The following EFCAB13 variants were observed in gnomAD, a reference collection of about 807,000 sequenced individuals.
The protein encoded by EFCAB13 is EF-hand calcium binding domain 13, also known as EF-hand calcium-binding domain-containing protein 13.
In EFCAB13, 91 loss-of-function variants were observed where a neutral mutation model predicts 110.2. The observed-to-expected ratio is 0.83, with a 90% CI of 0.70 to 0.98. The LOEUF (loss-of-function observed/expected upper bound fraction) is 0.98, where lower values mean the gene tolerates loss of function less well. Ranked by LOEUF, EFCAB13 falls within the 50% of genes least tolerant of loss-of-function variation. The pLI is 0.00. For synonymous variants in EFCAB13, 323 were observed against 369.9 expected, an observed-to-expected ratio of 0.87 and a Z score of 1.45; for missense variants, 968 against 1,119.4, an observed-to-expected ratio of 0.86 and a Z score of 1.93.
chr17:47,343,244 G>A (rs1044586270), intron 6 of EFCAB13, among the ~76,000 whole-genome samples: 9 of 152,028 alleles, frequency 5.9e-5, no homozygotes, highest in Non-Finnish European at 1.3e-4. Context: ...TCTTTGCCAT[G>A]CACTTCAGAA....
chr17:47,368,018 C>T (rs1185887081), intron 10 of EFCAB13, among the ~76,000 whole-genome samples: 2 of 152,080 alleles, frequency 1.3e-5, no homozygotes, highest in Non-Finnish European at 2.9e-5. Flanking sequence ...AGAGCATATC[C>T]TGAAGCTACA....
At chr17:47,328,100 G>A in intron 3 of EFCAB13, 169 bp from the exon 4 acceptor site, 2 of 496,084 alleles carry the variant, frequency 4.0e-6, no homozygotes, top group South Asian at 8.4e-5. Context: ...GTGATTTATA[G>A]TCTACTAACT....
At chr17:47,374,046 G>A (rs1161538826) in intron 11 of EFCAB13, among the ~76,000 whole-genome samples, 1 of 152,020 alleles carries the variant, frequency 6.6e-6, no homozygotes, top group Non-Finnish European at 1.5e-5. Flanking sequence ...CAAATACCAA[G>A]AATATTTAGG....
chr17:47,329,829 T>TAA (rs946645246), intron 4 of EFCAB13: 7 of 152,198 alleles, frequency 4.6e-5, no homozygotes, highest in African/African-American at 1.7e-4. Flanking sequence ...TCAATCTCTT[T>TAA]AGGAATCCTT....
In EFCAB13 at chr17:47,355,985, A is replaced by G. The variant is rs186481205; in HGVS notation, c.662-5393A>G. ...TTTTTTCTTCTACTTATTTGATTCTATTACTGAGACTTTCCAGCACATTTT... is the reference window on the plus strand; with the variant it reads ...TTTTTTCTTCTACTTATTTGATTCTGTTACTGAGACTTTCCAGCACATTTT... On this transcript the variant is annotated intron_variant, in intron 9 of 24. Coordinates refer to ENST00000331493, the MANE Select transcript of EFCAB13 (RefSeq NM_152347.5). Among the ~76,000 whole-genome samples, 163 of 152,018 alleles carry G rather than the reference A, an allele frequency of 1.1e-3. 1 individual carries two copies. Among genetic ancestry groups the G allele is most frequent in the Non-Finnish European group, 3.2e-4 (22 of 67,952 alleles).
rs527408437 is a variant in EFCAB13, at chr17:47,344,932, G to A, written c.435-84G>A. ...TCAAGAAAGGTTCTTATGAATCTCA[G>A]ACTATTGGTAAGTTTGCTAATATTT... On this transcript the variant is annotated intron_variant, in intron 7 of 24. Coordinates refer to ENST00000331493, the MANE Select transcript of EFCAB13 (RefSeq NM_152347.5). 32 of 996,882 alleles carry A rather than the reference G, an allele frequency of 3.2e-5. 1 individual carries two copies. In the South Asian group the frequency reaches 3.4e-4, roughly 10 times the overall value. 61.8% of individuals were successfully genotyped at this position (996,882 alleles called of 1,614,324 possible).
chr17:47,415,965 A>AT lies in EFCAB13; in HGVS notation c.2494+1046_2494+1047insT, dbSNP rs141422144. On this transcript the variant is annotated intron_variant, in intron 23 of 24. Transcript: ENST00000331493. ...CCTGACTCCCACATCTGCAGAGAAC[A>AT]CCTACCAAAGAACTCTTCATGGATG... 2.6e-3 allele frequency among the ~76,000 whole-genome samples: 401 copies of AT among 152,136 alleles called. 2 individuals carry two copies. Among genetic ancestry groups the AT allele is most frequent in the South Asian group, 6.9e-3 (33 of 4,812 alleles).
intron 9 of EFCAB13, 34 bp from the exon 10 acceptor site, chr17:47,361,344 T>G (rs2065511454): frequency 1.9e-6 from 3 of 1,601,914 alleles, no homozygotes; most frequent in Non-Finnish European, 8.5e-7. Context: ...GAAAAGCTGT[T>G]GATTCTCATG....
At chr17:47,409,247 T>C (rs910566380) in intron 20 of EFCAB13, 11 of 168,290 alleles carry the variant, frequency 6.5e-5, no homozygotes, top group African/African-American at 2.6e-4. Flanking sequence ...AAGTAATGGG[T>C]ATAATGTTCT....
chr17:47,333,028 C>T (rs983953887), intron 4 of EFCAB13, among the ~76,000 whole-genome samples: 1 of 152,200 alleles, frequency 6.6e-6, no homozygotes, highest in African/African-American at 2.4e-5. Context: ...TTCATACCAA[C>T]AGTGTGCAGA....
chr17:47,362,796 A>T, intron 10 of EFCAB13, among the ~76,000 whole-genome samples: 1 of 152,302 alleles, frequency 6.6e-6, no homozygotes, highest in South Asian at 2.1e-4. Flanking sequence ...CCAGGCAGGG[A>T]AGGGCCCCCT....
At chr17:47,325,923 A>AATAT (rs60735562) in intron 2 of EFCAB13, among the ~76,000 whole-genome samples, 3,546 of 101,766 alleles carry the variant, frequency 0.035, 111 homozygotes, top group African/African-American at 0.039. Flanking sequence ...ATATAAACAA[A>AATAT]ATATATATAT....
chr17:47,337,304 G>T (rs144967226), intron 5 of EFCAB13, among the ~76,000 whole-genome samples: 3 of 152,126 alleles, frequency 2.0e-5, no homozygotes, highest in Non-Finnish European at 2.9e-5. Flanking sequence ...CCTTGTAAGT[G>T]GGAGCTAAAC....
intron 5 of EFCAB13, among the ~76,000 whole-genome samples, chr17:47,340,719 C>T (rs1023950124): frequency 6.6e-6 from 1 of 150,930 alleles, no homozygotes; most frequent in Non-Finnish European, 1.5e-5. Flanking sequence ...CCTGCCTCAG[C>T]CTCCTGAGTA....
At position 47,345,011 on chromosome 17, in the gene EFCAB13, G is replaced by T. The variant is rs1236517558; in HGVS notation, c.435-5G>T. 2.5e-6 allele frequency: 4 copies of T among 1,597,160 alleles called. No individual in the cohort carries two copies. The South Asian group carries it at 3.4e-5, about 14-fold the overall frequency. ...CACTTTCTAATATGGCTGTTTCTTT[G>T]ACAGGGAAAAGGAAATGCTGTCTAA... On this transcript the variant is annotated splice_polypyrimidine_tract_variant and splice_region_variant and intron_variant, in intron 7 of 24. Transcript: ENST00000331493.
intron 20 of EFCAB13, 58 bp from the exon 21 acceptor site, chr17:47,409,589 A>G: frequency 7.5e-7 from 1 of 1,326,330 alleles, no homozygotes; most frequent in South Asian, 1.2e-5. Flanking sequence ...TTCCTTTCAA[A>G]CAGGGTAAGA....
At chr17:47,423,753 T>C (rs955246353) in intron 23 of EFCAB13, among the ~76,000 whole-genome samples, 36 of 151,652 alleles carry the variant, frequency 2.4e-4, no homozygotes, top group African/African-American at 8.5e-4. Context: ...ACGGCGGCGG[T>C]GCAGCACCTG....
intron 4 of EFCAB13, among the ~76,000 whole-genome samples, chr17:47,330,296 GAT>G (rs1464820727): frequency 6.6e-6 from 1 of 151,784 alleles, no homozygotes; most frequent in African/African-American, 2.4e-5. Context: ...TGTAGAGAAA[GAT>G]ATTTATTTAT....
chr17:47,391,653 G>T (rs2065708546), intron 15 of EFCAB13, 73 bp downstream of exon 15: 1 of 1,317,996 alleles, frequency 7.6e-7, no homozygotes. Context: ...TTTTTTCTTA[G>T]AAAAATGACT....
Sources: gnomAD v4.1 joint callset for allele counts (sites outside exome capture counted in the v4.1 genomes callset) on GRCh38, gnomAD v4.1.1 for gene constraint, MANE v1.5 for transcripts, NCBI Gene and HGNC (gene_info 2026-07-23, HGNC 2026-07-21) for gene names.